Variants in ACSS2 observed in about 807,000 individuals in gnomAD.
The protein encoded by ACSS2 is acyl-CoA synthetase short chain family member 2.
ACSS2 carries 58 observed loss-of-function variants against 90.6 expected under a neutral mutation model. The ratio of observed to expected loss-of-function variants is 0.64; its 90% CI spans 0.52 to 0.80. The LOEUF is 0.80. ACSS2 is among the 30% of genes least tolerant of loss of function. The pLI, the probability that ACSS2 is intolerant of heterozygous loss-of-function variation, is 0.00. For missense variants in ACSS2, 759 were observed against 912.0 expected (o/e 0.83, Z 2.16); for synonymous variants, 300 against 330.9 (o/e 0.91, Z 1.01).
chr20:34,917,287 A>G (rs1038769777), intron 7 of ACSS2, among the ~76,000 whole-genome samples: 2 of 152,170 alleles, frequency 1.3e-5, no homozygotes, highest in African/African-American at 4.8e-5. Context: ...ATTTGGCAGG[A>G]AAAAAAGTAC....
chr20:34,924,712 T>C (rs2081280029), intron 14 of ACSS2, among the ~76,000 whole-genome samples: 1 of 151,806 alleles, frequency 6.6e-6, no homozygotes, highest in Non-Finnish European at 1.5e-5. Context: ...TGTTTGTTTT[T>C]TTTTTGAGAC....
intron 9 of ACSS2, 98 bp from the exon 10 acceptor site, chr20:34,920,908 G>A: frequency 6.4e-7 from 1 of 1,560,540 alleles, no homozygotes; most frequent in Non-Finnish European, 8.7e-7. Context: ...AGATATGGTT[G>A]GTCAGAAAGG....
At chr20:34,887,568 T>C (rs2080227618) in intron 2 of ACSS2, among the ~76,000 whole-genome samples, 1 of 149,930 alleles carries the variant, frequency 6.7e-6, no homozygotes. Flanking sequence ...GGTGAAACCC[T>C]GTCTCTACTA....
chr20:34,920,724 A>G lies in ACSS2; in HGVS notation c.1143+15A>G. 1 of 1,602,562 alleles carries G rather than the reference A, an allele frequency of 6.2e-7. No homozygotes were observed. ...CCAGTGTTTTGGTGAGAAGGGAGCC[A>G]CCTGGCCTAGCTGGGGGATGGACAA... On this transcript the variant is annotated intron_variant, in intron 9 of 17. Transcript: ENST00000360596.
intron 2 of ACSS2, among the ~76,000 whole-genome samples, chr20:34,889,363 C>G (rs1311907471): frequency 6.6e-6 from 1 of 151,694 alleles, no homozygotes; most frequent in African/African-American, 2.4e-5. Flanking sequence ...ACCTCGTGAT[C>G]CACTCTCCTC....
chr20:34,921,305 C>T (rs1259872935), intron 10 of ACSS2, 25 bp from the exon 11 acceptor site: 5 of 1,613,540 alleles, frequency 3.1e-6, no homozygotes, highest in Admixed American at 3.3e-5. Context: ...TCAGAGCCTT[C>T]CTCTCTCCCA....
chr20:34,882,310 A>T (rs2080084952), intron 1 of ACSS2, among the ~76,000 whole-genome samples: 1 of 152,154 alleles, frequency 6.6e-6, no homozygotes, highest in African/African-American at 2.4e-5. Context: ...GCCCAAGAGA[A>T]TAGAAGATGG....
At chr20:34,906,616 C>A (rs1248841872) in intron 2 of ACSS2, among the ~76,000 whole-genome samples, 2 of 152,024 alleles carry the variant, frequency 1.3e-5, no homozygotes, top group African/African-American at 2.4e-5. Context: ...GTGCTTATTT[C>A]TTCTTGTGCA....
chr20:34,919,373 G>C lies in ACSS2; in HGVS notation c.835-62G>C, dbSNP rs774920719. On this transcript the variant is annotated intron_variant, in intron 7 of 17. Coordinates refer to ENST00000360596, the MANE Select transcript of ACSS2 (RefSeq NM_018677.4). ...CCACCTCATTCCCTCCAGGGGCAAG[G>C]TACGGGTGTATCTTGTCCCCATCTT... The C allele has an allele frequency of 2.1e-5, 34 of 1,599,788 alleles. 1 individual carries two copies. Among genetic ancestry groups the C allele is most frequent in the Non-Finnish European group, 2.8e-5 (33 of 1,170,078 alleles).
Position 34,876,724 on chromosome 20 carries a change from C to A in ACSS2, c.79C>A (p.Arg27=). 1 of 1,443,844 alleles carries A rather than the reference C, an allele frequency of 6.9e-7. No individual in the cohort carries two copies. The highest frequency in any genetic ancestry group is 9.2e-7 in the Non-Finnish European group (1 of 1,089,914). 89.4% of individuals were successfully genotyped at this position (1,443,844 alleles called of 1,614,324 possible). A position where few individuals can be genotyped will look rare whatever the true frequency, so the allele number is the denominator to read the frequency against. The part of the protein sequence containing the change: ...QEEAGAGGRA[R]SWSPPPEVSR... Reference sequence around the variant, plus strand: ...GGAAGCTGGAGCCGGAGGCCGGGCGCGGAGTTGGTCTCCGCCGCCCGAGGT... The same window carrying A: ...GGAAGCTGGAGCCGGAGGCCGGGCGAGGAGTTGGTCTCCGCCGCCCGAGGT... Residue 27 remains arginine (R), a synonymous_variant, in exon 1 of 18, where the codon CGG becomes AGG. Transcript: ENST00000360596.
rs965608887 is a variant in ACSS2 at position 34,917,019 on chromosome 20, C to A, written c.835-2416C>A. 2.6e-5 allele frequency among the ~76,000 whole-genome samples: 4 copies of A among 152,344 alleles called. No individual in the cohort carries two copies. In the South Asian group the frequency reaches 8.3e-4, roughly 32 times the overall value. On this transcript the variant is annotated intron_variant, in intron 7 of 17. Transcript: ENST00000360596. The stretch of plus-strand genomic sequence containing the variant: ...TGCTTTGCTAATTGAGTTCACTCTG[C>A]TTCCTGGTGCTAGTTATCAGTTCCA...
At chr20:34,917,445 C>A (rs2081097343) in intron 7 of ACSS2, among the ~76,000 whole-genome samples, 1 of 151,918 alleles carries the variant, frequency 6.6e-6, no homozygotes, top group Non-Finnish European at 1.5e-5. Context: ...ATTTCAAATT[C>A]TCTACCATAA....
intron 2 of ACSS2, among the ~76,000 whole-genome samples, chr20:34,887,641 T>C (rs1947163472): frequency 6.6e-6 from 1 of 152,198 alleles, no homozygotes; most frequent in Admixed American, 6.5e-5. Flanking sequence ...CTTGGGAGGC[T>C]GAGGCAGGAG....
intron 13 of ACSS2, among the ~76,000 whole-genome samples, chr20:34,922,552 C>T (rs1051085709): frequency 6.6e-6 from 1 of 152,120 alleles, no homozygotes; most frequent in African/African-American, 2.4e-5. Flanking sequence ...TGTATTGAGC[C>T]GAAATTGTGC....
At chr20:34,918,756 A>G (rs1263052476) in intron 7 of ACSS2, among the ~76,000 whole-genome samples, 3 of 152,184 alleles carry the variant, frequency 2.0e-5, no homozygotes, top group Admixed American at 6.5e-5. Flanking sequence ...TGCCCACCTC[A>G]CCTGTAAGCT....
chr20:34,887,246 C>G (rs1345172284), intron 2 of ACSS2, among the ~76,000 whole-genome samples: 1 of 152,230 alleles, frequency 6.6e-6, no homozygotes, highest in Non-Finnish European at 1.5e-5. Flanking sequence ...TACTCTCACT[C>G]CTAGTCAACT....
chr20:34,915,745 A>G (rs545976209), intron 7 of ACSS2, among the ~76,000 whole-genome samples: 8 of 152,346 alleles, frequency 5.3e-5, no homozygotes, highest in Non-Finnish European at 8.8e-5. Flanking sequence ...TGGGATTTAT[A>G]AACTGCATAT....
chr20:34,926,101 C>G lies in ACSS2; in HGVS notation c.1727-4C>G. 6.2e-7 allele frequency: 1 copy of G among 1,614,110 alleles called. No individual in the cohort carries two copies. Among genetic ancestry groups the G allele is most frequent in the Non-Finnish European group, 8.5e-7 (1 of 1,179,968 alleles). On this transcript the variant is annotated splice_region_variant and splice_polypyrimidine_tract_variant and intron_variant, in intron 15 of 17. Coordinates refer to ENST00000360596, the MANE Select transcript of ACSS2 (RefSeq NM_018677.4). The stretch of plus-strand genomic sequence containing the variant: ...TCTCATGGCACTTCCTTTCCCTTGA[C>G]AAGGACACCTGCTGAGTACAGCAGA...
intron 2 of ACSS2, among the ~76,000 whole-genome samples, chr20:34,906,057 C>T (rs552637551): frequency 2.1e-4 from 32 of 152,278 alleles, no homozygotes; most frequent in African/African-American, 7.2e-4. Flanking sequence ...ATATCCTGGC[C>T]GGGCGCGGTG....
Sources: allele counts gnomAD v4.1 joint callset (sites outside exome capture counted in the v4.1 genomes callset), GRCh38; gene constraint gnomAD v4.1.1; transcripts MANE v1.5; gene names NCBI Gene and HGNC (gene_info 2026-07-23, HGNC 2026-07-21).